The following SAMSN1 variants were observed in gnomAD, a reference collection of about 807,000 sequenced individuals.
SAMSN1 encodes SAM domain, SH3 domain and nuclear localization signals 1, also known as SAM domain-containing protein SAMSN-1.
In SAMSN1, 31 loss-of-function variants were observed where a neutral mutation model predicts 42.0. The ratio of observed to expected loss-of-function variants is 0.74; its 90% CI spans 0.55 to 1.00. SAMSN1 has a LOEUF of 1.00. Among genes scored for constraint, SAMSN1 ranks in the 50% least tolerant of loss-of-function variants. SAMSN1 has a pLI of 0.00. For synonymous variants in SAMSN1, 178 were observed against 151.9 expected (o/e 1.17, Z -1.26); for missense variants, 464 against 439.4 (o/e 1.06, Z -0.50).
At position 14,621,557 on chromosome 21, in the gene SAMSN1, A is replaced by G. The variant is rs554950966; in HGVS notation, c.157-5541T>C. On this transcript the variant is annotated intron_variant, in intron 2 of 15. Coordinates refer to the SAMSN1 transcript ENST00000647101. ...GAGCCTCACTCATTGCTAGCACAGC[A>G]GTCTGAGATCGAACTGCAAGGTCAC... Among the ~76,000 whole-genome samples, 15 of 146,690 alleles carry G rather than the reference A, an allele frequency of 1.0e-4. No individual in the cohort carries two copies. In the South Asian group the frequency reaches 3.3e-3, roughly 32 times the overall value.
chr21:14,567,463 C>T (rs905137850), intron 2 of SAMSN1, among the ~76,000 whole-genome samples: 3 of 152,098 alleles, frequency 2.0e-5, no homozygotes, highest in Admixed American at 1.3e-4. Flanking sequence ...TGTTAATACC[C>T]TTTGCTTGGG....
At chr21:14,592,907 A>C (rs1365205375) in intron 7 of SAMSN1, among the ~76,000 whole-genome samples, 2 of 152,152 alleles carry the variant, frequency 1.3e-5, no homozygotes, top group African/African-American at 2.4e-5. Flanking sequence ...GTTAGTATTT[A>C]CTGAGGTTCA....
chr21:14,642,399 C>T (rs368254126), intron 2 of SAMSN1, among the ~76,000 whole-genome samples: 15 of 152,266 alleles, frequency 9.9e-5, no homozygotes, highest in African/African-American at 3.6e-4. Context: ...TCCATAAATT[C>T]AGGAAACAGT....
intron 2 of SAMSN1, among the ~76,000 whole-genome samples, chr21:14,639,751 GTT>G (rs34808562): frequency 6.6e-6 from 1 of 151,664 alleles, no homozygotes; most frequent in Non-Finnish European, 1.5e-5. Flanking sequence ...TAATATGTTA[GTT>G]TTTTTTTCAG....
intron 5 of SAMSN1, among the ~76,000 whole-genome samples, chr21:14,505,819 A>G (rs1987373563): frequency 6.6e-6 from 1 of 152,182 alleles, no homozygotes; most frequent in South Asian, 2.1e-4. Context: ...AACACATGGA[A>G]CTTTCTCTAA....
At chr21:14,653,020 C>T (rs1012684514) in intron 1 of SAMSN1, among the ~76,000 whole-genome samples, 1 of 151,856 alleles carries the variant, frequency 6.6e-6, no homozygotes, top group African/African-American at 2.4e-5. Context: ...GCCTTATATC[C>T]AAAACACAGG....
At chr21:14,499,474 T>C (rs1987045533) in intron 6 of SAMSN1, among the ~76,000 whole-genome samples, 1 of 121,910 alleles carries the variant, frequency 8.2e-6, no homozygotes, top group Admixed American at 9.4e-5. Flanking sequence ...GGAGAACTTA[T>C]GACCACCCCT....
chr21:14,523,042 G>C (rs560806655), intron 1 of SAMSN1, among the ~76,000 whole-genome samples: 6 of 152,182 alleles, frequency 3.9e-5, no homozygotes, highest in African/African-American at 1.4e-4. Context: ...CAGTGACCCT[G>C]GTCAGGAACT....
intron 2 of SAMSN1, among the ~76,000 whole-genome samples, chr21:14,622,679 A>G (rs55940266): frequency 0.012 from 1,770 of 152,328 alleles, 26 homozygotes; most frequent in African/African-American, 0.039. Context: ...GAATGGAACC[A>G]AGTTGGAAAA....
upstream of SAMSN1, chr21:14,583,464 G>A: frequency 1.9e-6 from 1 of 538,340 alleles, no homozygotes; most frequent in Non-Finnish European, 3.3e-6. Context: ...AAACGGGGCG[G>A]TGCATAAATA....
At chr21:14,579,148 C>T (rs1981614312) in intron 2 of SAMSN1, among the ~76,000 whole-genome samples, 1 of 152,176 alleles carries the variant, frequency 6.6e-6, no homozygotes, top group African/African-American at 2.4e-5. Context: ...TTTAGTGTCT[C>T]AAATCCCGGA....
At chr21:14,557,126 T>A (rs116823248) in intron 2 of SAMSN1, among the ~76,000 whole-genome samples, 1 of 152,010 alleles carries the variant, frequency 6.6e-6, no homozygotes, top group African/African-American at 2.4e-5. Flanking sequence ...GGCAGAAGGG[T>A]CTGCTTTTCC....
chr21:14,628,115 C>T (rs1983231337), intron 2 of SAMSN1, among the ~76,000 whole-genome samples: 1 of 152,126 alleles, frequency 6.6e-6, no homozygotes, highest in Non-Finnish European at 1.5e-5. Context: ...GACAAATATA[C>T]ACGATGAAAC....
intron 1 of SAMSN1, among the ~76,000 whole-genome samples, chr21:14,531,108 A>G (rs1056327129): frequency 5.3e-5 from 8 of 152,142 alleles, no homozygotes; most frequent in Non-Finnish European, 7.4e-5. Flanking sequence ...GCTGTATAGG[A>G]TATGGCAAAT....
At chr21:14,567,669 C>T (rs192785148) in intron 2 of SAMSN1, among the ~76,000 whole-genome samples, 17 of 152,228 alleles carry the variant, frequency 1.1e-4, no homozygotes, top group Admixed American at 1.3e-4. Context: ...CCATTCCTGG[C>T]GTCCTGGTGT....
intron 1 of SAMSN1, among the ~76,000 whole-genome samples, chr21:14,540,312 A>G (rs1009507356): frequency 6.6e-6 from 1 of 152,230 alleles, no homozygotes; most frequent in Non-Finnish European, 1.5e-5. Context: ...TGAACTAAAG[A>G]GCTTCTGCAC....
intron 2 of SAMSN1, among the ~76,000 whole-genome samples, chr21:14,556,898 A>G (rs1007571021): frequency 1.3e-5 from 2 of 152,236 alleles, no homozygotes; most frequent in Non-Finnish European, 2.9e-5. Context: ...GGTTTTGTCA[A>G]CTGAATATAC....
chr21:14,520,174 GCTTTT>G (rs1978360768), intron 2 of SAMSN1, among the ~76,000 whole-genome samples: 1 of 152,128 alleles, frequency 6.6e-6, no homozygotes, highest in Non-Finnish European at 1.5e-5. Flanking sequence ...TTTATGGGAA[GCTTTT>G]CTTAAGCTAC....
chr21:14,510,481 A>G lies in SAMSN1; in HGVS notation c.410-20T>C. 1 of 1,613,850 alleles carries G rather than the reference A, an allele frequency of 6.2e-7. No individual in the cohort carries two copies. Among genetic ancestry groups the G allele is most frequent in the Non-Finnish European group, 8.5e-7 (1 of 1,179,782 alleles). On this transcript the variant is annotated intron_variant, in intron 4 of 7. Transcript: ENST00000400566. The stretch of plus-strand genomic sequence containing the variant: ...TGCCACCTGATGAAAGCAGAAGTTC[A>G]CAGTTGTCATGGAAGACTTATAACA...
Sources: allele counts gnomAD v4.1 joint callset (sites outside exome capture counted in the v4.1 genomes callset), GRCh38; gene constraint gnomAD v4.1.1; transcripts MANE v1.5; gene names NCBI Gene and HGNC (gene_info 2026-07-23, HGNC 2026-07-21).